The following TAMM41 variants were observed in gnomAD, a reference collection of about 807,000 sequenced individuals.
The protein encoded by TAMM41 is phosphatidate cytidylyltransferase, mitochondrial.
Under a neutral mutation model 44.1 loss-of-function variants are expected in TAMM41, and 36 were observed. The ratio of observed to expected loss-of-function variants is 0.82; its 90% CI spans 0.63 to 1.08. The LOEUF (loss-of-function observed/expected upper bound fraction) is 1.08, where lower values mean the gene tolerates loss of function less well. Ranked by LOEUF, TAMM41 falls within the 50% of genes least tolerant of loss-of-function variation. The pLI, the probability that TAMM41 is intolerant of heterozygous loss-of-function variation, is 0.00. For missense variants in TAMM41, 417 were observed against 404.3 expected, an observed-to-expected ratio of 1.03 and a Z score of -0.27; for synonymous variants, 164 against 153.1, an observed-to-expected ratio of 1.07 and a Z score of -0.53.
the TAMM41 span, among the ~76,000 whole-genome samples, chr3:11,770,466 A>C: frequency 1.5e-4 from 23 of 152,348 alleles, no homozygotes; most frequent in East Asian, 1.9e-3. Flanking sequence ...CTCCCAAAGT[A>C]GTAATGAGGT....
chr3:11,844,554 C>T (rs1432512061), intron 1 of TAMM41, among the ~76,000 whole-genome samples: 1 of 152,154 alleles, frequency 6.6e-6, no homozygotes, highest in East Asian at 1.9e-4. Context: ...ATGCTCTTTG[C>T]CCAAGGACAC....
intron 4 of TAMM41, among the ~76,000 whole-genome samples, chr3:11,824,186 A>G (rs2078647167): frequency 6.7e-6 from 1 of 149,904 alleles, no homozygotes; most frequent in Non-Finnish European, 1.5e-5. Context: ...TATCAGATGC[A>G]TGATTTGTAA....
At position 11,846,859 on chromosome 3, in the gene TAMM41, C is replaced by T. The variant is rs2079728404; in HGVS notation, c.-223G>A. On this transcript the variant is annotated 5_prime_UTR_variant, in exon 1 of 8. Transcript: ENST00000455809. The stretch of plus-strand genomic sequence containing the variant: ...CGCAGCCCAGATAGGCTCGGGTGGG[C>T]GGCGGTCGCACAGGCAGAGCTTCCG... 1.1e-5 allele frequency: 6 copies of T among 564,506 alleles called. No individual in the cohort carries two copies. The highest frequency in any genetic ancestry group is 4.8e-4 in the Middle Eastern group (1 of 2,094). 35.0% of individuals were successfully genotyped at this position (564,506 alleles called of 1,614,324 possible). A position where few individuals can be genotyped will look rare whatever the true frequency, so the allele number is the denominator to read the frequency against.
the TAMM41 span, among the ~76,000 whole-genome samples, chr3:11,737,279 G>A: frequency 7.8e-6 from 1 of 128,198 alleles, no homozygotes; most frequent in African/African-American, 2.9e-5. Context: ...ATTCCTGTTG[G>A]CTTACATTAT....
the TAMM41 span, among the ~76,000 whole-genome samples, chr3:11,770,421 G>C: frequency 6.6e-6 from 1 of 152,148 alleles, no homozygotes; most frequent in Non-Finnish European, 1.5e-5. Flanking sequence ...AAAATAAAGG[G>C]GGCAGTTTCG....
At chr3:11,821,019 C>A (rs1398473382) in intron 4 of TAMM41, among the ~76,000 whole-genome samples, 2 of 152,182 alleles carry the variant, frequency 1.3e-5, no homozygotes, top group African/African-American at 4.8e-5. Context: ...TGACTGAGGT[C>A]AAGTTACTTA....
At chr3:11,728,937 G>C in the TAMM41 span, among the ~76,000 whole-genome samples, 1 of 150,934 alleles carries the variant, frequency 6.6e-6, no homozygotes, top group Non-Finnish European at 1.5e-5. Flanking sequence ...GAACCCGGGA[G>C]GCGAAGGTTG....
chr3:11,795,752 T>G (rs184332708), intron 7 of TAMM41, among the ~76,000 whole-genome samples: 143 of 152,288 alleles, frequency 9.4e-4, no homozygotes, highest in African/African-American at 3.2e-3. Context: ...ACAGTTCCCC[T>G]TCTCTCCACT....
At chr3:11,723,143 A>G in the TAMM41 span, among the ~76,000 whole-genome samples, 1 of 151,320 alleles carries the variant, frequency 6.6e-6, no homozygotes, top group Non-Finnish European at 1.5e-5. Flanking sequence ...TAAAAACAAA[A>G]TAAAATAAAA....
intron 4 of TAMM41, among the ~76,000 whole-genome samples, chr3:11,825,566 A>G (rs2078714866): frequency 6.6e-6 from 1 of 152,154 alleles, no homozygotes; most frequent in South Asian, 2.1e-4. Context: ...ACTGAATGCT[A>G]ATTTTTTTCC....
At chr3:11,752,570 C>T in the TAMM41 span, among the ~76,000 whole-genome samples, 3 of 150,870 alleles carry the variant, frequency 2.0e-5, no homozygotes, top group Non-Finnish European at 4.4e-5. Flanking sequence ...TTCTCCAAGT[C>T]CCCACTCGAC....
At chr3:11,811,380 T>C (rs1463875890) in intron 5 of TAMM41, 1 of 152,202 alleles carries the variant, frequency 6.6e-6, no homozygotes, top group Non-Finnish European at 1.5e-5. Context: ...AGAATAAACT[T>C]ATATTTAAGT....
the TAMM41 span, among the ~76,000 whole-genome samples, chr3:11,758,941 G>A: frequency 3.3e-5 from 5 of 152,258 alleles, no homozygotes; most frequent in South Asian, 1.0e-3. Context: ...CAAAGTGCTG[G>A]GATTATAGGC....
rs144277127 is a variant in TAMM41, at chr3:11,838,251, G to A, written c.411+971C>T. 2.2e-4 allele frequency among the ~76,000 whole-genome samples: 34 copies of A among 152,312 alleles called. No homozygotes were observed. In the East Asian group the frequency reaches 6.6e-3, roughly 29 times the overall value. The stretch of plus-strand genomic sequence containing the variant: ...TGTTTTTAAGACGGAGTCTCACTCT[G>A]TCGCCCAGGCTGGGGTGCGGTGGTG... On this transcript the variant is annotated intron_variant, in intron 3 of 7. Transcript: ENST00000455809.
chr3:11,829,391 A>G (rs1231683868), intron 4 of TAMM41, among the ~76,000 whole-genome samples: 1 of 152,222 alleles, frequency 6.6e-6, no homozygotes, highest in Non-Finnish European at 1.5e-5. Context: ...AATATGGTGC[A>G]ATGTTAAAAT....
At chr3:11,807,503 A>AC (rs1188296619) in intron 7 of TAMM41, 2 of 1,536,200 alleles carry the variant, frequency 1.3e-6, no homozygotes, top group Middle Eastern at 1.7e-4. Context: ...GAGGGGGAGC[A>AC]CAGATGCTGC....
the TAMM41 span, among the ~76,000 whole-genome samples, chr3:11,746,292 A>C: frequency 1.6e-4 from 21 of 135,076 alleles, no homozygotes; most frequent in African/African-American, 5.4e-4. Context: ...CGACAGAGTG[A>C]GACTCTCTCA....
rs765027505 is a variant in TAMM41, at chr3:11,817,295, A to G, written c.605T>C (p.Leu202Ser). 1.2e-6 allele frequency: 2 copies of G among 1,612,534 alleles called. No individual in the cohort carries two copies. Among genetic ancestry groups the G allele is most frequent in the African/African-American group, 1.3e-5 (1 of 74,912 alleles). ...MVVGEDKTKV[L>S]NIVKPNIAHF... ...GGCTATATTGGGCTTCACAATATTC[A>G]ACACTTTTGTTTTATCTTCTCCAAC... The change falls in exon 5 of 8, where the codon TTG (leucine) becomes TCG (serine). Residue 202 changes from leucine (L) to serine (S), a missense_variant. Transcript: ENST00000455809.
chr3:11,829,816 C>G lies in TAMM41; in HGVS notation c.460G>C (p.Asp154His), dbSNP rs762883795. ...GTCACAGCACTCTTCAGATTTCTAT[C>G]GAGGGCTGATCTAAGAGTGACATCC... Reference protein sequence around the residue: ...NEDVTLRSALDRNLKSAVTAA... With the variant: ...NEDVTLRSALHRNLKSAVTAA... The change falls in exon 4 of 8, where the codon GAT becomes CAT. Residue 154 changes from aspartate to histidine, a missense_variant. Transcript: ENST00000455809. 1 of 1,614,020 alleles carries G rather than the reference C, an allele frequency of 6.2e-7. No individual in the cohort carries two copies. Among genetic ancestry groups the G allele is most frequent in the African/African-American group, 1.3e-5 (1 of 74,902 alleles).
Sources: gnomAD v4.1 joint callset for allele counts (sites outside exome capture counted in the v4.1 genomes callset) on GRCh38, gnomAD v4.1.1 for gene constraint, MANE v1.5 for transcripts, NCBI Gene and HGNC (gene_info 2026-07-23, HGNC 2026-07-21) for gene names.